Variants in ADCY2 observed in about 807,000 individuals in gnomAD.
The protein encoded by ADCY2 is adenylate cyclase type 2.
ADCY2 carries 31 observed loss-of-function variants against 125.2 expected under a neutral mutation model. The ratio of observed to expected loss-of-function variants is 0.25; its 90% CI spans 0.19 to 0.33. ADCY2 has a LOEUF of 0.33. ADCY2 is among the 10% of genes least tolerant of loss of function. ADCY2 has a pLI of 1.00. For synonymous variants in ADCY2, 512 were observed against 548.4 expected, an observed-to-expected ratio of 0.93 and a Z score of 0.93; for missense variants, 904 against 1,418.2, an observed-to-expected ratio of 0.64 and a Z score of 5.82.
chr5:7,781,801 A>G (rs1292784378), intron 18 of ADCY2, among the ~76,000 whole-genome samples: 2 of 152,164 alleles, frequency 1.3e-5, no homozygotes, highest in African/African-American at 2.4e-5. Flanking sequence ...GACTCCCACC[A>G]TGCTCCATGC....
chr5:7,516,693 A>G (rs545556714), intron 2 of ADCY2, among the ~76,000 whole-genome samples: 1 of 152,358 alleles, frequency 6.6e-6, no homozygotes, highest in South Asian at 2.1e-4. Context: ...GTTATTTGTA[A>G]AGAGTCCTGA....
intron 3 of ADCY2, among the ~76,000 whole-genome samples, chr5:7,567,153 A>G (rs1034443610): frequency 6.6e-6 from 1 of 152,196 alleles, no homozygotes; most frequent in African/African-American, 2.4e-5. Flanking sequence ...TATGTGTCTA[A>G]ATCACTTATT....
intron 3 of ADCY2, among the ~76,000 whole-genome samples, chr5:7,597,140 T>C (rs1261781029): frequency 6.6e-6 from 1 of 152,292 alleles, no homozygotes; most frequent in South Asian, 2.1e-4. Flanking sequence ...AAGGAAACAA[T>C]ATTAGGCTTT....
chr5:7,676,294 C>G (rs1434137141), intron 4 of ADCY2, among the ~76,000 whole-genome samples: 1 of 151,728 alleles, frequency 6.6e-6, no homozygotes, highest in Non-Finnish European at 1.5e-5. Flanking sequence ...TATCAGCTAG[C>G]AAAAAAGTAT....
chr5:7,430,559 T>C (rs1740557921), intron 2 of ADCY2, among the ~76,000 whole-genome samples: 1 of 148,480 alleles, frequency 6.7e-6, no homozygotes, highest in African/African-American at 2.4e-5. Flanking sequence ...TATATTGATA[T>C]ACTATATATA....
intron 3 of ADCY2, among the ~76,000 whole-genome samples, chr5:7,581,549 G>T (rs910528766): frequency 5.3e-5 from 8 of 152,208 alleles, no homozygotes; most frequent in African/African-American, 1.9e-4. Context: ...GCCAGGTGCG[G>T]TGGCTCACAC....
At chr5:7,547,424 A>G (rs1579560686) in intron 3 of ADCY2, among the ~76,000 whole-genome samples, 1 of 152,188 alleles carries the variant, frequency 6.6e-6, no homozygotes, top group East Asian at 1.9e-4. Flanking sequence ...GAAAAGCTTA[A>G]TGGAGCAGTC....
At chr5:7,531,850 A>G (rs1436724743) in intron 3 of ADCY2, among the ~76,000 whole-genome samples, 2 of 152,232 alleles carry the variant, frequency 1.3e-5, no homozygotes, top group Non-Finnish European at 2.9e-5. Flanking sequence ...TCCAGTGGAC[A>G]TAACTTTTGA....
At chr5:7,669,986 C>T (rs896187633) in intron 4 of ADCY2, among the ~76,000 whole-genome samples, 28 of 152,204 alleles carry the variant, frequency 1.8e-4, no homozygotes, top group Admixed American at 1.5e-3. Context: ...AACATATGGG[C>T]TTTCTGTGTT....
chr5:7,516,862 T>A (rs1323491956), intron 2 of ADCY2, among the ~76,000 whole-genome samples: 1 of 151,858 alleles, frequency 6.6e-6, no homozygotes, highest in Non-Finnish European at 1.5e-5. Flanking sequence ...GAGGTCAGGA[T>A]GGAGAGAAGC....
At chr5:7,626,852 G>A (rs73050149) in intron 4 of ADCY2, among the ~76,000 whole-genome samples, 6,889 of 152,078 alleles carry the variant, frequency 0.045, 498 homozygotes, top group African/African-American at 0.16. Flanking sequence ...TTCAACATGA[G>A]ATTTGGAGAG....
intron 2 of ADCY2, among the ~76,000 whole-genome samples, chr5:7,455,842 TATA>T (rs922136229): frequency 9.6e-5 from 14 of 146,222 alleles, no homozygotes; most frequent in African/African-American, 3.0e-4. Flanking sequence ...ACTACATATT[TATA>T]ATAATGTATT....
chr5:7,402,326 G>GT (rs1206560856), intron 1 of ADCY2, among the ~76,000 whole-genome samples: 1 of 152,188 alleles, frequency 6.6e-6, no homozygotes, highest in East Asian at 1.9e-4. Flanking sequence ...TAATTCTTCA[G>GT]TCCTTTTTTG....
At chr5:7,539,580 C>G (rs1382803010) in intron 3 of ADCY2, among the ~76,000 whole-genome samples, 1 of 152,206 alleles carries the variant, frequency 6.6e-6, no homozygotes, top group African/African-American at 2.4e-5. Flanking sequence ...TTTCCAATCA[C>G]TCAACTGTGA....
chr5:7,706,715 G>T, intron 7 of ADCY2, 29 bp from the exon 8 acceptor site: 1 of 1,611,624 alleles, frequency 6.2e-7, no homozygotes, highest in South Asian at 1.1e-5. Context: ...GATGTTACTT[G>T]ATCATGATCT....
intron 3 of ADCY2, among the ~76,000 whole-genome samples, chr5:7,586,528 T>G (rs11959891): frequency 0.081 from 12,375 of 152,234 alleles, 721 homozygotes; most frequent in Non-Finnish European, 0.13. Context: ...GGAAAGGAAC[T>G]ATGCAGTTAA....
At chr5:7,648,721 A>C (rs1738982408) in intron 4 of ADCY2, among the ~76,000 whole-genome samples, 1 of 152,232 alleles carries the variant, frequency 6.6e-6, no homozygotes, top group South Asian at 2.1e-4. Flanking sequence ...AATGAATTAA[A>C]ATCATTTTGT....
chr5:7,680,257 C>A (rs943317537), intron 4 of ADCY2, among the ~76,000 whole-genome samples: 2 of 152,136 alleles, frequency 1.3e-5, no homozygotes, highest in African/African-American at 4.8e-5. Context: ...GTACTAAAGT[C>A]TAGTCTATGT....
chr5:7,608,348 A>G (rs1737457003), intron 3 of ADCY2, among the ~76,000 whole-genome samples: 1 of 152,116 alleles, frequency 6.6e-6, no homozygotes, highest in Non-Finnish European at 1.5e-5. Context: ...TTGGGAGGCC[A>G]AGGCGGGCAG....
Sources: allele counts gnomAD v4.1 joint callset (sites outside exome capture counted in the v4.1 genomes callset), GRCh38; gene constraint gnomAD v4.1.1; transcripts MANE v1.5; gene names NCBI Gene and HGNC (gene_info 2026-07-23, HGNC 2026-07-21).